GIP: variants seen among roughly 807,000 people sequenced by gnomAD.
The protein encoded by GIP is gastric inhibitory polypeptide.
Under a neutral mutation model 18.1 loss-of-function variants are expected in GIP, and 16 were observed. The observed-to-expected ratio is 0.88, with a 90% CI of 0.60 to 1.34. The LOEUF is 1.34. GIP is among the 40% of genes most tolerant of loss of function. The probability of loss-of-function intolerance (pLI) is 0.00; values close to 1 mark genes in which losing one functional copy is unlikely to be tolerated. For synonymous variants in GIP, 76 were observed against 74.0 expected (o/e 1.03, Z -0.14); for missense variants, 192 against 183.4 (o/e 1.05, Z -0.27).
rs111908727 is a variant in GIP, at chr17:48,968,231, C to T, written c.-22+286G>A. On this transcript the variant is annotated intron_variant, in intron 1 of 5. Transcript: ENST00000357424. ...CTTCACCCTCCCGAGTACCTAGAAC[C>T]GCAGGCATGTACCACCATGCCCAGC... 2.2e-3 allele frequency among the ~76,000 whole-genome samples: 339 copies of T among 152,040 alleles called. 1 individual carries two copies. The highest frequency in any genetic ancestry group is 7.7e-3 in the African/African-American group (319 of 41,492).
intron 3 of GIP, among the ~76,000 whole-genome samples, chr17:48,963,947 C>A (rs1177167482): frequency 3.4e-5 from 5 of 145,338 alleles, no homozygotes; most frequent in Non-Finnish European, 3.0e-5. Context: ...GAGGTCAGAT[C>A]GAGACCATCC....
chr17:48,959,253 C>T (rs537457651), intron 5 of GIP, among the ~76,000 whole-genome samples: 138 of 152,168 alleles, frequency 9.1e-4, no homozygotes, highest in Non-Finnish European at 1.4e-3. Flanking sequence ...CAGTCTTGAA[C>T]TCCTGGCCTC....
Position 48,961,711 on chromosome 17 carries a change from C to G in GIP, c.350+16G>C. ...GGAGGCTTGGCTCCCTCCCTTCCCT[C>G]TGCGCCCTGACTCACCTCTGTGGCT... On this transcript the variant is annotated intron_variant, in intron 4 of 5. Coordinates refer to ENST00000357424, the MANE Select transcript of GIP (RefSeq NM_004123.3). 6.4e-7 allele frequency: 1 copy of G among 1,566,162 alleles called. No individual in the cohort carries two copies. Among genetic ancestry groups the G allele is most frequent in the South Asian group, 1.1e-5 (1 of 90,000 alleles).
chr17:48,961,335 TTTC>T (rs1880432261), intron 4 of GIP, among the ~76,000 whole-genome samples: 1 of 152,138 alleles, frequency 6.6e-6, no homozygotes, highest in South Asian at 2.1e-4. Context: ...GGATAACTGA[TTTC>T]AGGGGAGTGG....
rs8077274 is a variant in GIP at position 48,964,496 on chromosome 17, C to G, written c.87-16G>C. 32 of 1,609,738 alleles carry G rather than the reference C, an allele frequency of 2.0e-5. No homozygotes were observed. Among genetic ancestry groups the G allele is most frequent in the Non-Finnish European group, 3.4e-6 (4 of 1,177,376 alleles). ...GGGGAGAGCGCTGGAAACAAGGGTG[C>G]GGAGAAGGGGCAGAGATGGGGGGAG... On this transcript the variant is annotated splice_polypyrimidine_tract_variant and intron_variant, in intron 2 of 5. Transcript: ENST00000357424.
At chr17:48,963,285 G>C (rs1050255176) in intron 3 of GIP, among the ~76,000 whole-genome samples, 12 of 151,930 alleles carry the variant, frequency 7.9e-5, no homozygotes, top group Non-Finnish European at 1.8e-4. Flanking sequence ...AGCACTTTGG[G>C]AGGCCAAGGC....
intron 4 of GIP, 100 bp from the exon 5 acceptor site, chr17:48,961,087 G>A: frequency 2.9e-6 from 2 of 697,358 alleles, no homozygotes; most frequent in South Asian, 1.9e-5. Flanking sequence ...GCCGCGGATG[G>A]GGGGAGGGAG....
intron 2 of GIP, 74 bp from the exon 3 acceptor site, chr17:48,964,554 A>G (rs1198311530): frequency 1.5e-6 from 2 of 1,314,936 alleles, no homozygotes; most frequent in East Asian, 2.3e-5. Context: ...ACTGTCACTA[A>G]CAGGAGGCAG....
chr17:48,963,494 G>GAA (rs34922855), intron 3 of GIP, among the ~76,000 whole-genome samples: 15 of 129,538 alleles, frequency 1.2e-4, no homozygotes, highest in African/African-American at 2.0e-4. Context: ...TGTCTCTACT[G>GAA]AAAAAAAAAA....
intron 3 of GIP, among the ~76,000 whole-genome samples, chr17:48,962,451 G>A (rs1032911299): frequency 4.0e-5 from 6 of 150,394 alleles, no homozygotes; most frequent in African/African-American, 9.8e-5. Context: ...TCACTGCAAC[G>A]TCCGCCTCCA....
chr17:48,964,606 G>T (rs1224400883), intron 2 of GIP, 126 bp from the exon 3 acceptor site: 2 of 732,644 alleles, frequency 2.7e-6, no homozygotes, highest in Non-Finnish European at 4.5e-6. Context: ...GAGACTCCCT[G>T]TGGATCCACT....
At position 48,962,129 on chromosome 17, in the gene GIP, G is replaced by T. The variant is rs538809950; in HGVS notation, c.258-310C>A. Among the ~76,000 whole-genome samples the T allele has an allele frequency of 5.3e-5, 8 of 152,306 alleles. No homozygotes were observed. In the East Asian group the frequency reaches 1.5e-3, roughly 29 times the overall value. On this transcript the variant is annotated intron_variant, in intron 3 of 5. Transcript: ENST00000357424. ...GTATTGCCCAGGCTGGAGTGCAGGG[G>T]CACCATCTCAGCTCACTGCAACCTC...
At position 48,967,178 on chromosome 17, in the gene GIP, C is replaced by T. The variant is rs963387974; in HGVS notation, c.55G>A (p.Gly19Arg). The T allele has an allele frequency of 1.9e-6, 3 of 1,613,678 alleles. No homozygotes were observed. The highest frequency in any genetic ancestry group is 1.7e-6 in the Non-Finnish European group (2 of 1,179,808). The change falls in exon 2 of 6, where the codon GGA (glycine) becomes AGA (arginine). Residue 19 changes from glycine (G) to arginine (R), a missense_variant. Transcript: ENST00000357424. The part of the protein sequence containing the change: ...LLLLSLFLAV[G>R]LGEKKEGHFS... ...TGACCCTCTTTCTTCTCTCCTAGTC[C>T]CACTGCCAGGAACAGGGACAGCAGC...
chr17:48,968,026 T>C lies in GIP; in HGVS notation c.-22+491A>G, dbSNP rs575462844. On this transcript the variant is annotated intron_variant, in intron 1 of 5. Coordinates refer to ENST00000357424, the MANE Select transcript of GIP (RefSeq NM_004123.3). The stretch of plus-strand genomic sequence containing the variant: ...GAGATTGCGCCAGTGCACTCCAGCC[T>C]GGGTGACAGAGCGAGACTCCATCTC... Among the ~76,000 whole-genome samples the C allele has an allele frequency of 3.8e-4, 58 of 152,044 alleles. No homozygotes were observed. In the East Asian group the frequency reaches 6.1e-3, roughly 16 times the overall value.
At chr17:48,968,000 C>T (rs9903470) in intron 1 of GIP, among the ~76,000 whole-genome samples, 81,200 of 151,614 alleles carry the variant, frequency 0.54, 23,163 homozygotes, top group African/African-American at 0.74. Flanking sequence ...TGCAGTGAGC[C>T]GAGATTGCGC....
chr17:48,960,812 G>A (rs2041196399), intron 5 of GIP, 74 bp downstream of exon 5: 3 of 870,476 alleles, frequency 3.4e-6, no homozygotes, highest in Admixed American at 4.0e-5. Flanking sequence ...AGCATGTGGA[G>A]GGGCAAAGAT....
At position 48,967,235 on chromosome 17, in the gene GIP, T is replaced by A; in HGVS notation, c.-3A>T. On this transcript the variant is annotated 5_prime_UTR_variant, in exon 2 of 6. Transcript: ENST00000357424. ...GCAAAGGTCTTCGTGGCCACCATCT[T>A]CCAAGGTTATTTCCTGAGCTAAGAC... The A allele has an allele frequency of 2.5e-6, 4 of 1,613,260 alleles. No homozygotes were observed. Among genetic ancestry groups the A allele is most frequent in the Non-Finnish European group, 3.4e-6 (4 of 1,179,270 alleles).
chr17:48,959,565 G>T (rs540424986), intron 5 of GIP, among the ~76,000 whole-genome samples: 20 of 152,118 alleles, frequency 1.3e-4, no homozygotes, highest in Admixed American at 9.2e-4. Context: ...TTAGTGCCTC[G>T]ATTCTGGGAC....
rs553142429 is a variant in GIP, at chr17:48,967,894, A to C, written c.-22+623T>G. 3.3e-3 allele frequency among the ~76,000 whole-genome samples: 504 copies of C among 151,792 alleles called. 9 individuals are homozygous for C. The highest frequency in any genetic ancestry group is 3.3e-3 in the Non-Finnish European group (224 of 67,898). On this transcript the variant is annotated intron_variant, in intron 1 of 5. Coordinates refer to ENST00000357424, the MANE Select transcript of GIP (RefSeq NM_004123.3). ...TGGTGAAATCCTGTCTCTACATAAA[A>C]GACAAAGATTAGCCAGGTGTGGTGG...
Sources: gnomAD v4.1 joint callset for allele counts (sites outside exome capture counted in the v4.1 genomes callset) on GRCh38, gnomAD v4.1.1 for gene constraint, MANE v1.5 for transcripts, NCBI Gene and HGNC (gene_info 2026-07-23, HGNC 2026-07-21) for gene names.